AFDN: variants seen among roughly 807,000 people sequenced by gnomAD.
AFDN encodes the protein afadin.
Under a neutral mutation model 216.6 loss-of-function variants are expected in AFDN, and 68 were observed. The ratio of observed to expected loss-of-function variants is 0.31; its 90% CI spans 0.26 to 0.38. The LOEUF is 0.38. Among genes scored for constraint, AFDN ranks in the 10% least tolerant of loss-of-function variants. The pLI, the probability that AFDN is intolerant of heterozygous loss-of-function variation, is 1.00. For missense variants in AFDN, 2,136 were observed against 2,342.0 expected (o/e 0.91, Z 1.82); for synonymous variants, 868 against 853.7 (o/e 1.02, Z -0.29).
chr6:167,939,829 C>G (rs1794467743), intron 23 of AFDN, among the ~76,000 whole-genome samples: 1 of 152,074 alleles, frequency 6.6e-6, no homozygotes, highest in South Asian at 2.1e-4. Context: ...TGTCTTAGGT[C>G]CCTAGATTCA....
intron 1 of AFDN, among the ~76,000 whole-genome samples, chr6:167,839,592 C>T (rs539072276): frequency 8.5e-5 from 13 of 152,220 alleles, no homozygotes; most frequent in South Asian, 8.3e-4. Context: ...GAAGAGGGAG[C>T]GGTAACTGGC....
At chr6:167,834,328 C>G (rs1211166679) in intron 1 of AFDN, among the ~76,000 whole-genome samples, 2 of 152,058 alleles carry the variant, frequency 1.3e-5, no homozygotes, top group Non-Finnish European at 2.9e-5. Context: ...AGTGCTCGCA[C>G]TTAGGAGCGA....
At chr6:167,869,733 G>A (rs931082505) in intron 2 of AFDN, among the ~76,000 whole-genome samples, 1 of 152,208 alleles carries the variant, frequency 6.6e-6, no homozygotes, top group African/African-American at 2.4e-5. Flanking sequence ...CCTCCGTGGA[G>A]TACCATGTTC....
chr6:167,911,678 T>C, intron 15 of AFDN, 189 bp downstream of exon 15: 1 of 592,930 alleles, frequency 1.7e-6, no homozygotes, highest in Non-Finnish European at 3.0e-6. Context: ...TTTTCTATTT[T>C]GTTTTCCCTG....
intron 30 of AFDN, among the ~76,000 whole-genome samples, chr6:167,960,007 A>C (rs1796885472): frequency 6.6e-6 from 1 of 152,210 alleles, no homozygotes; most frequent in South Asian, 2.1e-4. Flanking sequence ...TTGCTGGGTG[A>C]TTAAATTTGT....
chr6:167,918,749 T>A lies in AFDN; in HGVS notation c.2724T>A (p.Asn908Lys). 3 of 1,614,130 alleles carry A rather than the reference T, an allele frequency of 1.9e-6. No individual in the cohort carries two copies. Among genetic ancestry groups the A allele is most frequent in the Non-Finnish European group, 2.5e-6 (3 of 1,180,022 alleles). ...TTTCCAAACAGGATCTTATAGAAAA[T>A]GTAGTGACTGTGGCTGAAAACACTG... ...EPFIPTDLIENVVTVAENTAD... is the reference protein window; with the variant it reads ...EPFIPTDLIEKVVTVAENTAD... The change falls in exon 21 of 34, where the codon AAT becomes AAA. Residue 908 changes from asparagine to lysine, a missense_variant. Transcript: ENST00000683244.
intron 13 of AFDN, among the ~76,000 whole-genome samples, chr6:167,909,695 GAGTA>G (rs1332622000): frequency 6.6e-6 from 1 of 152,100 alleles, no homozygotes. Context: ...AGATTTATTT[GAGTA>G]AGTATTAGTC....
At position 167,896,913 on chromosome 6, in the gene AFDN, C is replaced by G. The variant is rs202167796; in HGVS notation, c.1258C>G (p.Arg420Gly). The G allele has an allele frequency of 1.2e-6, 2 of 1,613,656 alleles. No individual in the cohort carries two copies. The highest frequency in any genetic ancestry group is 1.7e-6 in the Non-Finnish European group (2 of 1,179,706). The change falls in exon 10 of 34, where the codon CGC becomes GGC. Residue 420 changes from arginine to glycine, a missense_variant. Arg to Gly is a moderately radical substitution (Grantham distance 125). This residue lies in a region of AFDN where 817 missense variants were observed against 965.7 expected (regional missense o/e 0.85). Transcript: ENST00000683244. ...CTCTAGAGATAAGCCAAAGCTTTAC[C>G]GCCTTCAGTTAAGTGTTACTGAAGT... ...SDSRDKPKLY[R>G]LQLSVTEVGT...
intron 23 of AFDN, among the ~76,000 whole-genome samples, chr6:167,936,151 C>G (rs1387392107): frequency 6.6e-6 from 1 of 152,218 alleles, no homozygotes; most frequent in African/African-American, 2.4e-5. Flanking sequence ...CTCTGCATTT[C>G]CATATTTCAG....
intron 1 of AFDN, among the ~76,000 whole-genome samples, chr6:167,831,318 C>T (rs1278167786): frequency 6.6e-6 from 1 of 152,048 alleles, no homozygotes; most frequent in Admixed American, 6.5e-5. Flanking sequence ...GGATGATTGC[C>T]AATGATGTAT....
rs113390936 is a variant in AFDN at position 167,962,626 on chromosome 6, G to T, written c.4968+59G>T. 2,444 of 1,609,654 alleles carry T rather than the reference G, an allele frequency of 1.5e-3. 37 individuals are homozygous for T. The African/African-American group carries it at 0.03, about 19-fold the overall frequency. On this transcript the variant is annotated intron_variant, in intron 31 of 33. Coordinates refer to ENST00000683244, the MANE Select transcript of AFDN (RefSeq NM_001386888.1). This position sits in a 1 kb window ranked among gnomAD's most constrained non-coding sequence, Gnocchi z 5.2. ...CAAGTTAGCCTGAACGTAATCGATT[G>T]GCTGGGGCAGAGCGGGCTGGAAGTT...
Position 167,962,441 on chromosome 6 carries a change from C to G in AFDN, c.4842C>G (p.Asp1614Glu), listed in dbSNP as rs951247453. 1.2e-6 allele frequency: 2 copies of G among 1,613,290 alleles called. No individual in the cohort carries two copies. The highest frequency in any genetic ancestry group is 1.3e-5 in the African/African-American group (1 of 74,784). The change falls in exon 31 of 34, where the codon GAC becomes GAG. Residue 1614 changes from aspartate to glutamate, a missense_variant. Coordinates refer to ENST00000683244, the MANE Select transcript of AFDN (RefSeq NM_001386888.1). This position sits in a 1 kb window ranked among gnomAD's most constrained non-coding sequence, Gnocchi z 5.2. ...LEAERRARLQ[D>E]EERRRQQQLE... is the part of the protein sequence containing the mutation. ...TGTCAGCCTGTTGTTAGTTGCAGGA[C>G]GAGGAGCGGAGGCGGCAGCAGCAGT...
At chr6:167,897,290 T>G (rs1321331790) in intron 10 of AFDN, among the ~76,000 whole-genome samples, 2 of 152,164 alleles carry the variant, frequency 1.3e-5, no homozygotes, top group Non-Finnish European at 2.9e-5. Flanking sequence ...TATGCAGAAG[T>G]GCTTATCACT....
Position 167,827,019 on chromosome 6 carries a change from A to AGGCGGAGGCGGCC in AFDN, c.-108_-96dup, listed in dbSNP as rs1484868515. ...GCCGCGGAGGCGGAGGCAGCCGCGGAGGCGGAGGCGGCCGGCGGGGGGTGG... is the reference window on the plus strand; with the variant it reads ...GCCGCGGAGGCGGAGGCAGCCGCGGAGGCGGAGGCGGCCGGCGGAGGCGGCCGGCGGGGGGTGG... On this transcript the variant is annotated 5_prime_UTR_variant, in exon 1 of 34. Coordinates refer to ENST00000683244, the MANE Select transcript of AFDN (RefSeq NM_001386888.1). 1 of 284,014 alleles carries AGGCGGAGGCGGCC rather than the reference A, an allele frequency of 3.5e-6. No individual in the cohort carries two copies. The highest frequency in any genetic ancestry group is 5.2e-6 in the Non-Finnish European group (1 of 190,772). The allele number at this position is 284,014 out of a possible 1,614,324, so 17.6% of individuals were successfully genotyped here.
chr6:167,923,747 C>G lies in AFDN; in HGVS notation c.3012+788C>G, dbSNP rs745601801. Among the ~76,000 whole-genome samples, 225 of 151,758 alleles carry G rather than the reference C, an allele frequency of 1.5e-3. 1 individual carries two copies. The highest frequency in any genetic ancestry group is 2.4e-3 in the Non-Finnish European group (160 of 67,936). ...CAAGCGATTCTCCTGCCTCAGCCTC[C>G]CAGTAGCTGGGATTACAGGTGCCCG... On this transcript the variant is annotated intron_variant, in intron 22 of 33. Transcript: ENST00000683244.
At chr6:167,847,918 T>G (rs1250651634) in intron 1 of AFDN, among the ~76,000 whole-genome samples, 1 of 152,134 alleles carries the variant, frequency 6.6e-6, no homozygotes, top group Non-Finnish European at 1.5e-5. Context: ...CCTAATACCG[T>G]TTTTTCACTT....
In AFDN at chr6:167,861,101, C is replaced by T. The variant is rs370231350; in HGVS notation, c.106-3450C>T. Among the ~76,000 whole-genome samples, 86 of 152,184 alleles carry T rather than the reference C, an allele frequency of 5.7e-4. No individual in the cohort carries two copies. The Middle Eastern group carries it at 0.01, about 18-fold the overall frequency. On this transcript the variant is annotated intron_variant, in intron 1 of 33. Coordinates refer to ENST00000683244, the MANE Select transcript of AFDN (RefSeq NM_001386888.1). ...CTCCTCTCCCCAACCCTCTGCACCC[C>T]TCCTCTCCCCTCCCTTCATACCCAG...
rs2128339065 is a variant in AFDN, at chr6:167,890,916, C to T, written c.1064C>T (p.Thr355Ile). ...RRPPDHIPKK[T>I]KKHLEGKTPK... ...CCACCAGACCACATCCCAAAGAAAA[C>T]CAAGAAACACTTGGAAGGCAAGACA... The change falls in exon 8 of 34, where the codon ACC (threonine) becomes ATC (isoleucine). Residue 355 changes from threonine (T) to isoleucine (I), a missense_variant. By Grantham distance (89) the Thr-to-Ile change is moderately conservative. This residue lies in a region of AFDN where 817 missense variants were observed against 965.7 expected (regional missense o/e 0.85). Transcript: ENST00000683244. 6 of 1,613,976 alleles carry T rather than the reference C, an allele frequency of 3.7e-6. No individual in the cohort carries two copies. Among genetic ancestry groups the T allele is most frequent in the Non-Finnish European group, 5.1e-6 (6 of 1,179,942 alleles).
chr6:167,872,328 T>C lies in AFDN; in HGVS notation c.529T>C (p.Leu177=), dbSNP rs779826286. The C allele has an allele frequency of 3.1e-6, 5 of 1,613,798 alleles. No individual in the cohort carries two copies. The South Asian group carries it at 5.5e-5, about 18-fold the overall frequency. ...AAAAAAGAAGAGAGAAAAAGAGGCA[T>C]TGCGACAGGCATCTGATAAAGATGA... ...KEKKKREKEA[L]RQASDKDDRP... Residue 177 remains leucine, a synonymous_variant, in exon 4 of 34, where the codon TTG becomes CTG. Coordinates refer to ENST00000683244, the MANE Select transcript of AFDN (RefSeq NM_001386888.1).
Sources: gnomAD v4.1 joint callset for allele counts (sites outside exome capture counted in the v4.1 genomes callset) on GRCh38, gnomAD v4.1.1 for gene constraint, gnomAD v4.1.1 regional missense constraint, Gnocchi (gnomAD v3.1) non-coding constraint, MANE v1.5 for transcripts, NCBI Gene and HGNC (gene_info 2026-07-23, HGNC 2026-07-21) for gene names.